CYP11A1: variants seen among roughly 807,000 people sequenced by gnomAD.
CYP11A1 encodes cytochrome P450 family 11 subfamily A member 1, also known as cholesterol side-chain cleavage enzyme, mitochondrial.
In CYP11A1, 25 loss-of-function variants were observed where a neutral mutation model predicts 51.9. That is an observed-to-expected ratio of 0.48 (90% CI 0.35 to 0.67). The LOEUF (loss-of-function observed/expected upper bound fraction) is 0.67. Ranked by LOEUF, CYP11A1 falls within the 30% of genes least tolerant of loss-of-function variation. The pLI, the probability that CYP11A1 is intolerant of heterozygous loss-of-function variation, is 0.00. For synonymous variants in CYP11A1, 245 were observed against 262.1 expected (o/e 0.93, Z 0.63); for missense variants, 578 against 680.9 (o/e 0.85, Z 1.68).
intron 6 of CYP11A1, 110 bp from the exon 7 acceptor site, chr15:74,339,425 C>T: frequency 3.5e-6 from 5 of 1,410,694 alleles, no homozygotes; most frequent in South Asian, 1.2e-5. Context: ...CCTGGGGGGA[C>T]CTGGGGGTAG....
intron 1 of CYP11A1, among the ~76,000 whole-genome samples, chr15:74,352,644 G>C (rs1037180904): frequency 6.6e-6 from 1 of 152,134 alleles, no homozygotes; most frequent in Admixed American, 6.5e-5. Flanking sequence ...GTCTCACTGA[G>C]ATAAATGCAT....
chr15:74,343,856 C>T lies in CYP11A1; in HGVS notation c.762G>A (p.Leu254=). ...SVPMLNLPPD[L]FRLFRTKTWK... ...AGGTCTTGGTCCTGAACAGACGGAA[C>T]AGGTCTGGGGGAAGGTTGAGCATGG... Residue 254 remains leucine (L), a synonymous_variant, in exon 4 of 9, where the codon CTG becomes CTA. Transcript: ENST00000268053. The T allele has an allele frequency of 6.2e-7, 1 of 1,613,868 alleles. No homozygotes were observed. The highest frequency in any genetic ancestry group is 8.5e-7 in the Non-Finnish European group (1 of 1,180,034).
intron 8 of CYP11A1, 72 bp downstream of exon 8, chr15:74,338,499 A>C: frequency 6.9e-7 from 1 of 1,458,504 alleles, no homozygotes; most frequent in Non-Finnish European, 9.6e-7. Context: ...CAGAGATAGG[A>C]GGAGGAAGAT....
chr15:74,342,185 C>T (rs1471692110), intron 5 of CYP11A1, among the ~76,000 whole-genome samples: 6 of 152,126 alleles, frequency 3.9e-5, no homozygotes, highest in Admixed American at 1.3e-4. Flanking sequence ...CGGGTTCAAG[C>T]GATTCTCCTG....
At chr15:74,363,934 C>T (rs900766720) in intron 1 of CYP11A1, 1 of 152,182 alleles carries the variant, frequency 6.6e-6, no homozygotes, top group Non-Finnish European at 1.5e-5. Context: ...ACAAACCAAA[C>T]AAAACCAAAA....
chr15:74,354,194 C>G (rs1003647758), intron 1 of CYP11A1, among the ~76,000 whole-genome samples: 6 of 152,184 alleles, frequency 3.9e-5, no homozygotes, highest in African/African-American at 1.4e-4. Context: ...GTGACCTGCA[C>G]GTATACATCC....
At chr15:74,348,158 A>G in intron 1 of CYP11A1, 103 bp from the exon 2 acceptor site, 1 of 1,371,306 alleles carries the variant, frequency 7.3e-7, no homozygotes, top group Non-Finnish European at 1.0e-6. Flanking sequence ...TGACTGTGGG[A>G]CCTGAGTCGA....
chr15:74,339,301 G>C lies in CYP11A1; in HGVS notation c.1172C>G (p.Ser391Cys), dbSNP rs1159548741. Residue 391 changes from serine (S) to cysteine (C), a missense_variant, in exon 7 of 9, where the codon TCC becomes TGC. Coordinates refer to ENST00000268053, the MANE Select transcript of CYP11A1 (RefSeq NM_000781.3). ...TACAAGATATCTCTGCAGGGTCACG[G>C]AGATGGGGTGAAGTCTGCGGGAGGA... Reference protein sequence around the residue: ...IKETLRLHPISVTLQRYLVND... With the variant: ...IKETLRLHPICVTLQRYLVND... 1 of 1,614,098 alleles carries C rather than the reference G, an allele frequency of 6.2e-7. No homozygotes were observed. The highest frequency in any genetic ancestry group is 8.5e-7 in the Non-Finnish European group (1 of 1,180,038).
chr15:74,365,610 C>T (rs2060728690), intron 1 of CYP11A1: 1 of 909,600 alleles, frequency 1.1e-6, no homozygotes, highest in Non-Finnish European at 1.3e-6. Context: ...AAGGTTGAGG[C>T]CTCAGGCCTG....
chr15:74,362,870 G>C (rs1398878800), intron 1 of CYP11A1: 3 of 152,172 alleles, frequency 2.0e-5, no homozygotes, highest in African/African-American at 7.2e-5. Context: ...AAGGCCCAAT[G>C]TATGTAAGAA....
chr15:74,355,874 C>T (rs749053164), intron 1 of CYP11A1, among the ~76,000 whole-genome samples: 6 of 152,194 alleles, frequency 3.9e-5, no homozygotes, highest in Admixed American at 1.3e-4. Flanking sequence ...AACCCTGAGA[C>T]GCTTTACAGC....
intron 1 of CYP11A1, chr15:74,354,591 GTCC>G (rs1204835632): frequency 6.3e-6 from 1 of 157,656 alleles, no homozygotes; most frequent in East Asian, 1.8e-4. Context: ...TCAATCCCCT[GTCC>G]TCCTGCTCTT....
intron 1 of CYP11A1, among the ~76,000 whole-genome samples, chr15:74,359,033 T>C (rs1476867982): frequency 2.6e-5 from 4 of 152,246 alleles, no homozygotes; most frequent in Admixed American, 2.6e-4. Flanking sequence ...TAATCGGATG[T>C]CCTGGGTCCT....
chr15:74,364,478 G>C (rs528500979), intron 1 of CYP11A1: 19 of 152,284 alleles, frequency 1.2e-4, no homozygotes, highest in African/African-American at 4.6e-4. Context: ...TTTACATAAG[G>C]TGTATCTGAA....
In CYP11A1 at chr15:74,340,261, G is replaced by A. The variant is rs563783465; in HGVS notation, c.991-508C>T. Among the ~76,000 whole-genome samples, 11 of 152,338 alleles carry A rather than the reference G, an allele frequency of 7.2e-5. No homozygotes were observed. In the South Asian group the frequency reaches 8.3e-4, roughly 11 times the overall value. On this transcript the variant is annotated intron_variant, in intron 5 of 8. Transcript: ENST00000268053. ...CAAAGAAGCTGAAACCAGACCAGCC[G>A]GATGTTTCCTATCAGTGTTGCAATT...
At chr15:74,356,596 C>G (rs2060681345) in intron 1 of CYP11A1, 1 of 152,230 alleles carries the variant, frequency 6.6e-6, no homozygotes, top group Non-Finnish European at 1.5e-5. Flanking sequence ...GCTTCTAAAC[C>G]TCTTAAAACT....
chr15:74,345,240 C>T lies in CYP11A1; in HGVS notation c.429G>A (p.Lys143=), dbSNP rs766911998. ...YQRPIGVLLK[K]SAAWKKDRVA... ...CCCGGTCTTTCTTCCAGGCTGCCGA[C>T]TTCCTGAGAAAACATGGGCCCACAA... Residue 143 remains lysine, a synonymous_variant, in exon 3 of 9, where the codon AAG becomes AAA. Coordinates refer to ENST00000268053, the MANE Select transcript of CYP11A1 (RefSeq NM_000781.3). The surrounding 1 kb of genome is among the most constrained non-coding windows in gnomAD (Gnocchi z 4.3). 1 of 1,614,214 alleles carries T rather than the reference C, an allele frequency of 6.2e-7. No individual in the cohort carries two copies. Among genetic ancestry groups the T allele is most frequent in the South Asian group, 1.1e-5 (1 of 91,078 alleles).
At chr15:74,346,865 A>G (rs1050370782) in intron 2 of CYP11A1, among the ~76,000 whole-genome samples, 9 of 146,044 alleles carry the variant, frequency 6.2e-5, no homozygotes, top group Admixed American at 4.2e-4. Flanking sequence ...CAGTGGTGCC[A>G]TCTCTCGTCA....
Position 74,367,194 on chromosome 15 carries a change from A to G in CYP11A1, c.269+123T>C, listed in dbSNP as rs12442401. 0.17 allele frequency: 170,636 copies of G among 977,194 alleles called. 15,309 individuals carry two copies. The highest frequency in any genetic ancestry group is 0.47 in the African/African-American group (27,396 of 57,970). 60.5% of individuals were successfully genotyped at this position (977,194 alleles called of 1,614,324 possible). ...TTGTATTACCAAAAAAAAAAAAAAA[A>G]AAGAAGTTAGACAGGAGTTTGGAAC... On this transcript the variant is annotated intron_variant, in intron 1 of 8. Coordinates refer to ENST00000268053, the MANE Select transcript of CYP11A1 (RefSeq NM_000781.3).
Sources: gnomAD v4.1 joint callset for allele counts (sites outside exome capture counted in the v4.1 genomes callset) on GRCh38, gnomAD v4.1.1 for gene constraint, Gnocchi (gnomAD v3.1) non-coding constraint, MANE v1.5 for transcripts, NCBI Gene and HGNC (gene_info 2026-07-23, HGNC 2026-07-21) for gene names.